The following AMMECR1 variants were observed in gnomAD, a reference collection of about 807,000 sequenced individuals.
AMMECR1 encodes nuclear protein AMMECR1.
In AMMECR1, 3 loss-of-function variants were observed where a neutral mutation model predicts 22.5. The ratio of observed to expected loss-of-function variants is 0.13; its 90% CI spans 0.06 to 0.35. The LOEUF (loss-of-function observed/expected upper bound fraction) is 0.35, where lower values mean the gene tolerates loss of function less well. AMMECR1 is among the 10% of genes least tolerant of loss of function. AMMECR1 has a pLI of 1.00. For synonymous variants in AMMECR1, 130 were observed against 116.7 expected, an observed-to-expected ratio of 1.11 and a Z score of -0.74; for missense variants, 235 against 278.7, an observed-to-expected ratio of 0.84 and a Z score of 1.12.
intron 2 of AMMECR1, among the ~76,000 whole-genome samples, chrX:110,385,369 A>G (rs1569419479): frequency 8.9e-6 from 1 of 111,843 alleles, no homozygotes; most frequent in Non-Finnish European, 1.9e-5. Context: ...TTATATCTCA[A>G]TAAATTCACC....
At chrX:110,222,484 A>G (rs1410161269) in intron 2 of AMMECR1, among the ~76,000 whole-genome samples, 3 of 91,255 alleles carry the variant, frequency 3.3e-5, no homozygotes, top group African/African-American at 1.2e-4. Flanking sequence ...ACTGGGAGAT[A>G]TACCTAATGC....
In AMMECR1 at chrX:110,433,298, G is replaced by T. The variant is rs146565746; in HGVS notation, c.-293-6495C>A. ...CGTATCCTCAAAGAAGTGATAACTT[G>T]AATGGGGAAACAACTCTTAGATACC... is the stretch of plus-strand genomic sequence containing the variant. On this transcript the variant is annotated intron_variant, in intron 1 of 7. Transcript: ENST00000372057. Among the ~76,000 whole-genome samples the T allele has an allele frequency of 1.9e-4, 21 of 112,465 alleles. No homozygotes were observed. The East Asian group carries it at 5.8e-3, about 31-fold the overall frequency.
In AMMECR1 at chrX:110,317,830, C is replaced by A; in HGVS notation, c.242G>T (p.Gly81Val). The change falls in exon 1 of 6, where the codon GGG becomes GTG. Residue 81 changes from glycine to valine, a missense_variant. Physicochemically the swap from Gly to Val is moderately radical, Grantham distance 109. Coordinates refer to ENST00000262844, the MANE Select transcript of AMMECR1 (RefSeq NM_015365.3). ...CGGAGGTGGCGACAGGGCGATCCCCCCGCCGCCGCCGCCGCAGCCCTGGGG... is the reference window on the plus strand; with the variant it reads ...CGGAGGTGGCGACAGGGCGATCCCCACGCCGCCGCCGCCGCAGCCCTGGGG... Reference protein sequence around the residue: ...SPPQGCGGGGGGIALSPPPSC... With the variant: ...SPPQGCGGGGVGIALSPPPSC... The A allele has an allele frequency of 9.1e-7, 1 of 1,103,728 alleles. No individual in the cohort carries two copies. 91.0% of individuals were successfully genotyped at this position (1,103,728 alleles called of 1,213,427 possible). A position where few individuals can be genotyped will look rare whatever the true frequency, so the allele number is the denominator to read the frequency against.
intron 1 of AMMECR1, among the ~76,000 whole-genome samples, chrX:110,295,084 T>A (rs1267509075): frequency 4.5e-5 from 5 of 110,536 alleles, no homozygotes; most frequent in Admixed American, 9.6e-5. Context: ...CAGAAAACAA[T>A]TTTCCACGGT....
chrX:110,367,446 T>C (rs1360488585), intron 2 of AMMECR1, among the ~76,000 whole-genome samples: 1 of 110,191 alleles, frequency 9.1e-6, no homozygotes, highest in African/African-American at 3.3e-5. Flanking sequence ...ACTGTTCTCC[T>C]TTTTTTTTCG....
chrX:110,231,969 T>A (rs985121845), intron 2 of AMMECR1, among the ~76,000 whole-genome samples: 6 of 111,363 alleles, frequency 5.4e-5, no homozygotes, highest in Non-Finnish European at 1.1e-4. Context: ...GAGCTAACTA[T>A]CCTAAATATA....
Position 110,317,978 on chromosome X carries a change from GGGA to G in AMMECR1, c.91_93del (p.Ser31del), listed in dbSNP as rs749892208. 14 of 1,199,290 alleles carry G rather than the reference GGGA, an allele frequency of 1.2e-5. No individual in the cohort carries two copies. Among genetic ancestry groups the G allele is most frequent in the East Asian group, 9.0e-5 (3 of 33,447 alleles). ...CGGCACTGGCTCTCTCCGCTGCAGT[GGGA>G]GGAGGAGGAGGCGCCACCACCGCCA... is the stretch of plus-strand genomic sequence containing the variant. On this transcript the variant is annotated inframe_deletion, in exon 1 of 6. Transcript: ENST00000262844.
intron 2 of AMMECR1, 149 bp from the exon 3 acceptor site, chrX:110,216,781 C>A (rs2067475343): frequency 5.3e-6 from 2 of 380,311 alleles, no homozygotes; most frequent in Admixed American, 5.2e-5. Context: ...TATTCAAATT[C>A]CCCAAAGATT....
rs953188411 is a variant in AMMECR1 at position 110,257,269 on chromosome X, C to G, written c.584+7220G>C. ...AGGAAAGGAGACAGATATCAGTTTA[C>G]TGTACTAAAACAAAATATGAATTCA... On this transcript the variant is annotated intron_variant, in intron 2 of 5. Transcript: ENST00000262844. Among the ~76,000 whole-genome samples the G allele has an allele frequency of 3.6e-5, 4 of 112,104 alleles. No homozygotes were observed. In the East Asian group the frequency reaches 1.1e-3, roughly 31 times the overall value.
chrX:110,216,737 G>A (rs1348334199), intron 2 of AMMECR1, 105 bp from the exon 3 acceptor site: 7 of 488,470 alleles, frequency 1.4e-5, no homozygotes, highest in Non-Finnish European at 2.4e-5. Flanking sequence ...AAAAGAATCA[G>A]TAAGATGTCA....
chrX:110,198,589 A>C lies in AMMECR1; in HGVS notation c.933T>G (p.Ala311=). The part of the protein sequence containing the change: ...KMTLSYAEYL[A]HRQHHHFQNG... ...TTTGGAAATGATGATGCTGGCGATG[A>C]GCAAGGTATTCAGCATAGCTCAGGG... The change falls in exon 6 of 6, where the codon GCT becomes GCG. Residue 311 remains alanine, a synonymous_variant. Transcript: ENST00000262844. The C allele has an allele frequency of 8.3e-7, 1 of 1,204,780 alleles. No homozygotes were observed. The highest frequency in any genetic ancestry group is 1.7e-5 in the African/African-American group (1 of 57,378).
chrX:110,332,603 T>A (rs2068125142), intron 2 of AMMECR1, among the ~76,000 whole-genome samples: 1 of 111,975 alleles, frequency 8.9e-6, no homozygotes, highest in Non-Finnish European at 1.9e-5. Flanking sequence ...TTTTTTTCCC[T>A]CCTACAAATC....
At chrX:110,394,393 A>G (rs141675254) in intron 2 of AMMECR1, among the ~76,000 whole-genome samples, 2,624 of 111,506 alleles carry the variant, frequency 0.024, 85 homozygotes, top group African/African-American at 0.082. Context: ...CTGTGACTAC[A>G]GACGTGTGCC....
At chrX:110,275,075 T>C (rs951350612) in intron 1 of AMMECR1, among the ~76,000 whole-genome samples, 4 of 111,770 alleles carry the variant, frequency 3.6e-5, no homozygotes, top group Non-Finnish European at 5.6e-5. Flanking sequence ...TTAATTTTCC[T>C]TTAAATAATA....
chrX:110,276,724 G>T (rs1038603247), intron 1 of AMMECR1, among the ~76,000 whole-genome samples: 7 of 111,345 alleles, frequency 6.3e-5, no homozygotes, highest in African/African-American at 2.3e-4. Context: ...GTTGTTTTCT[G>T]CCCAGCCTCA....
At chrX:110,437,126 C>T (rs1042389735) in intron 1 of AMMECR1, among the ~76,000 whole-genome samples, 5 of 111,409 alleles carry the variant, frequency 4.5e-5, no homozygotes, top group Non-Finnish European at 5.7e-5. Flanking sequence ...TCAGAACTAG[C>T]GAGAGGAAAG....
intron 2 of AMMECR1, among the ~76,000 whole-genome samples, chrX:110,356,669 A>G (rs997345160): frequency 9.0e-6 from 1 of 111,505 alleles, no homozygotes; most frequent in Non-Finnish European, 1.9e-5. Context: ...TACCATATAT[A>G]TATATACACA....
At chrX:110,407,043 AGCTCTGGTATT>A (rs2068607407) in intron 2 of AMMECR1, among the ~76,000 whole-genome samples, 2 of 111,542 alleles carry the variant, frequency 1.8e-5, no homozygotes, top group South Asian at 7.5e-4. Flanking sequence ...TTCCTCGGAA[AGCTCTGGTATT>A]GCGCAAACGC....
intron 2 of AMMECR1, among the ~76,000 whole-genome samples, chrX:110,251,602 G>A (rs900152643): frequency 8.9e-6 from 1 of 111,931 alleles, no homozygotes; most frequent in Non-Finnish European, 1.9e-5. Context: ...GGTGATTGGT[G>A]TACAATGGCT....
Sources: allele counts gnomAD v4.1 joint callset (sites outside exome capture counted in the v4.1 genomes callset), GRCh38; gene constraint gnomAD v4.1.1; transcripts MANE v1.5; gene names NCBI Gene and HGNC (gene_info 2026-07-23, HGNC 2026-07-21).